PRKAG1: variants seen among roughly 807,000 people sequenced by gnomAD.
The protein encoded by PRKAG1 is 5'-AMP-activated protein kinase subunit gamma-1.
In PRKAG1, 27 loss-of-function variants were observed where a neutral mutation model predicts 48.2. That is an observed-to-expected ratio of 0.56 (90% CI 0.41 to 0.77). The LOEUF is 0.77. PRKAG1 is among the 30% of genes least tolerant of loss of function. PRKAG1 has a pLI of 0.00. For missense variants in PRKAG1, 287 were observed against 398.3 expected, an observed-to-expected ratio of 0.72 and a Z score of 2.38; for synonymous variants, 130 against 147.7, an observed-to-expected ratio of 0.88 and a Z score of 0.87.
At chr12:49,012,978 G>T in intron 2 of PRKAG1, 84 bp downstream of exon 2, 1 of 1,366,564 alleles carries the variant, frequency 7.3e-7, no homozygotes, top group East Asian at 2.3e-5. Context: ...TTTTCCAGGG[G>T]AGAGATTCAA....
intron 2 of PRKAG1, among the ~76,000 whole-genome samples, chr12:49,010,867 A>G (rs1329162509): frequency 6.7e-6 from 1 of 149,888 alleles, no homozygotes; most frequent in African/African-American, 2.5e-5. Flanking sequence ...TTTTTGAGAC[A>G]GAGTCTTGCT....
At position 49,005,784 on chromosome 12, in the gene PRKAG1, G is replaced by A; in HGVS notation, c.127C>T (p.Pro43Ser). 6.2e-7 allele frequency: 1 copy of A among 1,614,068 alleles called. No homozygotes were observed. The highest frequency in any genetic ancestry group is 1.1e-5 in the South Asian group (1 of 91,072). The stretch of plus-strand genomic sequence containing the variant: ...AATACAACCAATTTGGAGCTTGTGG[G>A]AATCAGGTCATAGCAGCGATGAGAC... ...MKSHRCYDLI[P>S]TSSKLVVFDT... is the part of the protein sequence containing the mutation. Residue 43 changes from proline (P) to serine (S), a missense_variant, in exon 3 of 12, where the codon CCC (proline) becomes TCC (serine). Physicochemically the swap from Pro to Ser is moderately conservative, Grantham distance 74. Coordinates refer to ENST00000548065, the MANE Select transcript of PRKAG1 (RefSeq NM_002733.5). This position sits in a 1 kb window ranked among gnomAD's most constrained non-coding sequence, Gnocchi z 4.1.
intron 2 of PRKAG1, among the ~76,000 whole-genome samples, chr12:49,012,375 TTTC>T (rs1941794564): frequency 6.7e-6 from 1 of 150,204 alleles, no homozygotes; most frequent in Admixed American, 6.6e-5. Flanking sequence ...AATTTTTTTC[TTTC>T]TTTTTTTTTT....
chr12:49,018,541 G>A, intron 1 of PRKAG1, 191 bp downstream of exon 1: 1 of 1,443,976 alleles, frequency 6.9e-7, no homozygotes. Context: ...CGGCGGGGAC[G>A]CGGCCCAGTT....
chr12:49,009,458 T>C (rs2137668179), intron 2 of PRKAG1: 1 of 152,234 alleles, frequency 6.6e-6, no homozygotes, highest in South Asian at 2.1e-4. Context: ...TCTGGGAAAT[T>C]TCCTCATGTT....
intron 8 of PRKAG1, 155 bp downstream of exon 8, chr12:49,004,352 C>T (rs1941428160): frequency 3.2e-6 from 3 of 934,534 alleles, no homozygotes; most frequent in Non-Finnish European, 4.9e-6. Flanking sequence ...ACCTGTAATC[C>T]TAGCACTTTG....
rs762013998 is a variant in PRKAG1 at position 49,004,569 on chromosome 12, C to T, written c.475G>A (p.Glu159Lys). The change falls in exon 8 of 12, where the codon GAA (glutamate) becomes AAA (lysine). Residue 159 changes from glutamate to lysine, a missense_variant. Physicochemically the swap from Glu to Lys is moderately conservative, Grantham distance 56. Transcript: ENST00000548065. ...KIHRLPVIDP[E>K]SGNTLYILTH... is the part of the protein sequence containing the mutation. ...AGGATGTACAAAGTATTGCCTGATTCTGGGTCAATAACTGGCAGCCTGTGG... is the reference window on the plus strand; with the variant it reads ...AGGATGTACAAAGTATTGCCTGATTTTGGGTCAATAACTGGCAGCCTGTGG... The T allele has an allele frequency of 1.2e-6, 2 of 1,614,108 alleles. No individual in the cohort carries two copies. The highest frequency in any genetic ancestry group is 2.2e-5 in the East Asian group (1 of 44,886).
intron 1 of PRKAG1, chr12:49,017,961 G>T: frequency 6.6e-6 from 1 of 152,344 alleles, no homozygotes. Context: ...ACTGTGGAGA[G>T]GGAAGTGTAT....
intron 10 of PRKAG1, 75 bp from the exon 11 acceptor site, chr12:49,003,365 A>T: frequency 1.3e-6 from 2 of 1,586,456 alleles, no homozygotes; most frequent in Non-Finnish European, 1.7e-6. Flanking sequence ...TCCAACCTCA[A>T]CAGAGGGATT....
chr12:49,005,180 A>C lies in PRKAG1; in HGVS notation c.310-15T>G, dbSNP rs144534788. On this transcript the variant is annotated splice_polypyrimidine_tract_variant and intron_variant, in intron 5 of 11. Coordinates refer to ENST00000548065, the MANE Select transcript of PRKAG1 (RefSeq NM_002733.5). The surrounding 1 kb of genome is among the most constrained non-coding windows in gnomAD (Gnocchi z 4.1). Reference sequence around the variant, plus strand: ...TAGATCTGTACCTGAAAGCAGAAGCAACAGAATTTGAGACCTGATCTCTCT... The same window carrying C: ...TAGATCTGTACCTGAAAGCAGAAGCCACAGAATTTGAGACCTGATCTCTCT... 1,425 of 1,614,170 alleles carry C rather than the reference A, an allele frequency of 8.8e-4. 9 individuals carry two copies. The African/African-American group carries it at 0.017, about 19-fold the overall frequency.
At position 49,003,577 on chromosome 12, in the gene PRKAG1, T is replaced by C. The variant is rs756816696; in HGVS notation, c.722A>G (p.Tyr241Cys). ...VDEKGRVVDI[Y>C]SKFDVINLAA... ...ACTCACGATAACATCAAACTTGGAG[T>C]AGATGTCCACCACACGCCCTAGGGG... The change falls in exon 10 of 12, where the codon TAC becomes TGC. Residue 241 changes from tyrosine (Y) to cysteine (C), a missense_variant. Around this residue, in one of 2 missense-constraint regions of PRKAG1, gnomAD observed 224 missense variants for 344.3 expected, o/e 0.65. Transcript: ENST00000548065. The C allele has an allele frequency of 1.3e-6, 2 of 1,583,444 alleles. No individual in the cohort carries two copies. Among genetic ancestry groups the C allele is most frequent in the Non-Finnish European group, 1.7e-6 (2 of 1,164,092 alleles).
chr12:49,008,149 GCACCCGGC>G (rs1341468936), intron 2 of PRKAG1, among the ~76,000 whole-genome samples: 1 of 152,104 alleles, frequency 6.6e-6, no homozygotes, highest in African/African-American at 2.4e-5. Context: ...ATGAGCCACT[GCACCCGGC>G]CAGTATTTAA....
intron 8 of PRKAG1, 30 bp downstream of exon 8, chr12:49,004,476 AG>A (rs779134377): frequency 1.9e-5 from 31 of 1,606,800 alleles, no homozygotes; most frequent in African/African-American, 2.7e-5. Context: ...ATGAAAAAAG[AG>A]AAAAAAGAAC....
chr12:49,005,860 G>GA lies in PRKAG1; in HGVS notation c.59-9_59-8insT, dbSNP rs763951666. On this transcript the variant is annotated splice_polypyrimidine_tract_variant and intron_variant, in intron 2 of 11. Transcript: ENST00000548065. This position sits in a 1 kb window ranked among gnomAD's most constrained non-coding sequence, Gnocchi z 4.1. Reference sequence around the variant, plus strand: ...TGTTGGATTCTGGGGTCTCTGCATAGGGTGGGATAGTTAGTAGCTTCCTTC... The same window carrying GA: ...TGTTGGATTCTGGGGTCTCTGCATAGAGGTGGGATAGTTAGTAGCTTCCTTC... 1 of 1,556,372 alleles carries GA rather than the reference G, an allele frequency of 6.4e-7. No individual in the cohort carries two copies. Among genetic ancestry groups the GA allele is most frequent in the African/African-American group, 1.4e-5 (1 of 72,656 alleles).
In PRKAG1 at chr12:49,005,086, C is replaced by T; in HGVS notation, c.355+34G>A. The T allele has an allele frequency of 6.2e-7, 1 of 1,613,396 alleles. No individual in the cohort carries two copies. The highest frequency in any genetic ancestry group is 8.5e-7 in the Non-Finnish European group (1 of 1,179,484). ...AGTGTTTCCCAGAAACCCGCCATCC[C>T]TTTATCCTTTTATAACCCCAATTCT... On this transcript the variant is annotated intron_variant, in intron 6 of 11. Transcript: ENST00000548065. The surrounding 1 kb of genome is among the most constrained non-coding windows in gnomAD (Gnocchi z 4.1).
At chr12:49,017,226 G>C (rs948387312) in intron 1 of PRKAG1, 2 of 455,650 alleles carry the variant, frequency 4.4e-6, no homozygotes, top group Non-Finnish European at 8.8e-6. Context: ...TTGGAGACAG[G>C]ATCTCACTGT....
chr12:49,003,641 G>A (rs1941393944), intron 9 of PRKAG1, 46 bp from the exon 10 acceptor site: 1 of 1,612,036 alleles, frequency 6.2e-7, no homozygotes, highest in Non-Finnish European at 8.5e-7. Flanking sequence ...GGGATCTAAA[G>A]CTCCCCCTAC....
rs1166833399 is a variant in PRKAG1, at chr12:49,005,175, G to A, written c.310-10C>T. ...GCTCATAGATCTGTACCTGAAAGCAGAAGCAACAGAATTTGAGACCTGATC... is the reference window on the plus strand; with the variant it reads ...GCTCATAGATCTGTACCTGAAAGCAAAAGCAACAGAATTTGAGACCTGATC... On this transcript the variant is annotated splice_polypyrimidine_tract_variant and intron_variant, in intron 5 of 11. Transcript: ENST00000548065. This position sits in a 1 kb window ranked among gnomAD's most constrained non-coding sequence, Gnocchi z 4.1. The A allele has an allele frequency of 1.2e-6, 2 of 1,614,132 alleles. No individual in the cohort carries two copies. The highest frequency in any genetic ancestry group is 8.5e-7 in the Non-Finnish European group (1 of 1,180,012).
intron 1 of PRKAG1, 21 bp downstream of exon 1, chr12:49,018,711 C>T: frequency 6.2e-7 from 1 of 1,613,432 alleles, no homozygotes. Flanking sequence ...GCGCCCCCGA[C>T]CGCCCTCCTG....
Sources: allele counts gnomAD v4.1 joint callset (sites outside exome capture counted in the v4.1 genomes callset), GRCh38; gene constraint gnomAD v4.1.1; regional missense constraint gnomAD v4.1.1; non-coding constraint Gnocchi (gnomAD v3.1); transcripts MANE v1.5; gene names NCBI Gene and HGNC (gene_info 2026-07-23, HGNC 2026-07-21).